The following RPN1 variants were observed in gnomAD, a reference collection of about 807,000 sequenced individuals.
RPN1 encodes the protein ribophorin I.
Under a neutral mutation model 55.5 loss-of-function variants are expected in RPN1, and 12 were observed. That is an observed-to-expected ratio of 0.22 (90% CI 0.14 to 0.35). The LOEUF (loss-of-function observed/expected upper bound fraction) is 0.35. Ranked by LOEUF, RPN1 falls within the 10% of genes least tolerant of loss-of-function variation. The pLI is 1.00. For synonymous variants in RPN1, 317 were observed against 305.9 expected, an observed-to-expected ratio of 1.04 and a Z score of -0.38; for missense variants, 679 against 761.3, an observed-to-expected ratio of 0.89 and a Z score of 1.27.
intron 5 of RPN1, among the ~76,000 whole-genome samples, chr3:128,629,477 G>A (rs60288283): frequency 7.9e-5 from 12 of 152,122 alleles, no homozygotes; most frequent in African/African-American, 2.2e-4. Flanking sequence ...CAGGAGAATC[G>A]CTTGAACCAG....
chr3:128,644,901 T>C lies in RPN1; in HGVS notation c.326+18A>G, dbSNP rs780913164. The C allele has an allele frequency of 2.2e-6, 3 of 1,362,846 alleles. No homozygotes were observed. The highest frequency in any genetic ancestry group is 1.2e-5 in the South Asian group (1 of 85,868). 84.4% of individuals were successfully genotyped at this position (1,362,846 alleles called of 1,614,324 possible). ...ATAACCTTTAACAAGAGACAAGGTA[T>C]ATTGTTTGTCAGCTTACCTTTTACC... On this transcript the variant is annotated intron_variant, in intron 2 of 9. Transcript: ENST00000296255.
chr3:128,626,630 AG>A, intron 6 of RPN1, 102 bp downstream of exon 6: 1 of 962,646 alleles, frequency 1.0e-6, no homozygotes, highest in Non-Finnish European at 1.6e-6. Flanking sequence ...TCTAGAGAAA[AG>A]TGACACAAAG....
chr3:128,642,944 G>C (rs1034784891), intron 2 of RPN1, among the ~76,000 whole-genome samples: 2 of 151,834 alleles, frequency 1.3e-5, no homozygotes, highest in African/African-American at 4.8e-5. Context: ...TTGAACCCCA[G>C]AGGCGGAGGT....
intron 2 of RPN1, among the ~76,000 whole-genome samples, chr3:128,643,014 C>T (rs936402579): frequency 3.5e-5 from 5 of 142,930 alleles, no homozygotes; most frequent in South Asian, 2.2e-4. Flanking sequence ...AGGGAAATTC[C>T]GTCTCAAAAA....
intron 1 of RPN1, among the ~76,000 whole-genome samples, chr3:128,648,686 G>T (rs1052519485): frequency 6.6e-6 from 1 of 152,168 alleles, no homozygotes; most frequent in Non-Finnish European, 1.5e-5. Context: ...TTCCCACTGG[G>T]ATAGGAGTAC....
chr3:128,625,497 A>C (rs1259279687), intron 8 of RPN1, 37 bp downstream of exon 8: 2 of 1,613,786 alleles, frequency 1.2e-6, no homozygotes, highest in African/African-American at 2.7e-5. Flanking sequence ...ATTACCAAGG[A>C]CACAAATGAC....
At position 128,626,872 on chromosome 3, in the gene RPN1, G is replaced by C. The variant is rs75295123; in HGVS notation, c.1037-40C>G. 72 of 1,560,096 alleles carry C rather than the reference G, an allele frequency of 4.6e-5. 1 individual carries two copies. The highest frequency in any genetic ancestry group is 3.3e-4 in the Middle Eastern group (2 of 5,976). The stretch of plus-strand genomic sequence containing the variant: ...AAGCATAAGCAATGATGTGGAAAAC[G>C]GATCAAATGGGCAGGAGAGAAAGAA... On this transcript the variant is annotated intron_variant, in intron 5 of 9. Coordinates refer to ENST00000296255, the MANE Select transcript of RPN1 (RefSeq NM_002950.4).
At chr3:128,641,918 T>A (rs78395843) in intron 2 of RPN1, among the ~76,000 whole-genome samples, 1 of 152,262 alleles carries the variant, frequency 6.6e-6, no homozygotes, top group African/African-American at 2.4e-5. Context: ...GCCAATTTAG[T>A]GACTCTTAGC....
chr3:128,628,184 G>A (rs1463197188), intron 5 of RPN1, among the ~76,000 whole-genome samples: 1 of 151,934 alleles, frequency 6.6e-6, no homozygotes, highest in Non-Finnish European at 1.5e-5. Flanking sequence ...TTGAACCCAG[G>A]AGGCGGAGGT....
intron 8 of RPN1, among the ~76,000 whole-genome samples, chr3:128,623,196 G>C (rs2107712971): frequency 6.6e-6 from 1 of 152,244 alleles, no homozygotes; most frequent in Admixed American, 6.5e-5. Flanking sequence ...CTTGAGGTCA[G>C]GCGTTCAAGA....
At chr3:128,635,986 A>C (rs2069679384) in intron 3 of RPN1, among the ~76,000 whole-genome samples, 1 of 152,056 alleles carries the variant, frequency 6.6e-6, no homozygotes, top group South Asian at 2.1e-4. Context: ...AACTTGTTAT[A>C]TATGATTTTG....
Position 128,620,492 on chromosome 3 carries a change from C to T in RPN1, c.1743G>A (p.Thr581=), listed in dbSNP as rs188507124. 115 of 1,614,180 alleles carry T rather than the reference C, an allele frequency of 7.1e-5. No homozygotes were observed. The African/African-American group carries it at 7.9e-4, about 11-fold the overall frequency. Residue 581 remains threonine, a synonymous_variant, in exon 10 of 10, where the codon ACG becomes ACA. Coordinates refer to ENST00000296255, the MANE Select transcript of RPN1 (RefSeq NM_002950.4). The stretch of plus-strand genomic sequence containing the variant: ...AGATGAGCTTCTCATTCTCAATGTA[C>T]GTGTCTTTCTTGAGCTTGCCAGCCA... ...RLVAGKLKKD[T]YIENEKLISG...
At position 128,637,852 on chromosome 3, in the gene RPN1, A is replaced by G. The variant is rs755709173; in HGVS notation, c.580T>C (p.Ser194Pro). The G allele has an allele frequency of 6.2e-7, 1 of 1,613,914 alleles. No individual in the cohort carries two copies. Among genetic ancestry groups the G allele is most frequent in the Non-Finnish European group, 8.5e-7 (1 of 1,180,038 alleles). ...GGCCCATAATCCAGTAGGTCCTCAG[A>G]GCGCGTGGGGTTCCCCAGCTTGGTG... is the stretch of plus-strand genomic sequence containing the variant. ...SYTKLGNPTR[S>P]EDLLDYGPFR... is the part of the protein sequence containing the mutation. The change falls in exon 3 of 10, where the codon TCT (serine) becomes CCT (proline). Residue 194 changes from serine to proline, a missense_variant. Ser to Pro is a moderately conservative substitution (Grantham distance 74). This residue lies in a region of RPN1 where 352 missense variants were observed against 352.8 expected (regional missense o/e 1.00). Coordinates refer to ENST00000296255, the MANE Select transcript of RPN1 (RefSeq NM_002950.4).
chr3:128,620,236 A>C lies in RPN1; in HGVS notation c.*175T>G. ...TTTAAAAAAAAAAAAAAAGAAAGTT[A>C]AGGACAAACGGCAAACTCACACTGC... On this transcript the variant is annotated 3_prime_UTR_variant, in exon 10 of 10. Coordinates refer to ENST00000296255, the MANE Select transcript of RPN1 (RefSeq NM_002950.4). 2.4e-6 allele frequency: 1 copy of C among 415,738 alleles called. No individual in the cohort carries two copies. The highest frequency in any genetic ancestry group is 4.2e-6 in the Non-Finnish European group (1 of 240,858). The allele number at this position is 415,738 out of a possible 1,614,324, so 25.8% of individuals were successfully genotyped here.
chr3:128,650,588 C>T lies in RPN1; in HGVS notation c.213G>A (p.Leu71=), dbSNP rs1221926761. 6.7e-5 allele frequency: 103 copies of T among 1,548,634 alleles called. No homozygotes were observed. Among genetic ancestry groups the T allele is most frequent in the Non-Finnish European group, 8.4e-5 (96 of 1,146,484 alleles). Residue 71 remains leucine (L), a synonymous_variant, in exon 1 of 10, where the codon CTG becomes CTA. Transcript: ENST00000296255. The part of the protein sequence containing the change: ...GSTSRATSFL[L]ALEPELEARL... ...GGGCCTCGAGCTCAGGCTCCAAAGC[C>T]AGCAGGAAAGAGGTAGCTCGGGACG... is the stretch of plus-strand genomic sequence containing the variant.
At chr3:128,622,755 G>C (rs937803484) in intron 8 of RPN1, among the ~76,000 whole-genome samples, 5 of 152,038 alleles carry the variant, frequency 3.3e-5, no homozygotes, top group Non-Finnish European at 7.4e-5. Context: ...AAATTAGCCG[G>C]GCATGGTGGC....
At chr3:128,645,653 C>A (rs145638255) in intron 1 of RPN1, among the ~76,000 whole-genome samples, 2,421 of 151,202 alleles carry the variant, frequency 0.016, 63 homozygotes, top group African/African-American at 0.055. Flanking sequence ...CCCGTCTCTA[C>A]GAAAAATACA....
At chr3:128,639,224 G>A (rs1444287655) in intron 2 of RPN1, among the ~76,000 whole-genome samples, 4 of 152,160 alleles carry the variant, frequency 2.6e-5, no homozygotes, top group African/African-American at 9.7e-5. Flanking sequence ...AGACCGAGAT[G>A]GGTGGATCAC....
chr3:128,635,616 T>TAGATAGATAGATAGATAG (rs1559755764), intron 3 of RPN1, among the ~76,000 whole-genome samples: 2 of 5,830 alleles, frequency 3.4e-4, no homozygotes, highest in African/African-American at 1.3e-3. Flanking sequence ...ACTTGAGATA[T>TAGATAGATAGATAGATAG]ATATATATAT....
Sources: allele counts gnomAD v4.1 joint callset (sites outside exome capture counted in the v4.1 genomes callset), GRCh38; gene constraint gnomAD v4.1.1; regional missense constraint gnomAD v4.1.1; transcripts MANE v1.5; gene names NCBI Gene and HGNC (gene_info 2026-07-23, HGNC 2026-07-21).